The following LSAMP variants were observed in gnomAD, a reference collection of about 807,000 sequenced individuals.
LSAMP encodes the protein limbic system-associated membrane protein.
A neutral mutation model predicts 38.6 loss-of-function variants in LSAMP; 7 were observed. The observed-to-expected ratio is 0.18, with a 90% CI of 0.10 to 0.34. LSAMP has a LOEUF of 0.34. LSAMP is among the 10% of genes least tolerant of loss of function. LSAMP has a pLI of 1.00. For missense variants in LSAMP, 313 were observed against 420.0 expected, an observed-to-expected ratio of 0.75 and a Z score of 2.23; for synonymous variants, 154 against 166.8, an observed-to-expected ratio of 0.92 and a Z score of 0.59.
intron 2 of LSAMP, among the ~76,000 whole-genome samples, chr3:116,030,605 G>C (rs1576319462): frequency 6.6e-6 from 1 of 152,144 alleles, no homozygotes; most frequent in African/African-American, 2.4e-5. Context: ...TTTAGATACT[G>C]TCCAACCAGA....
chr3:116,002,479 G>A (rs1940026469), intron 3 of LSAMP, among the ~76,000 whole-genome samples: 1 of 152,132 alleles, frequency 6.6e-6, no homozygotes, highest in African/African-American at 2.4e-5. Context: ...AGTTTTGGTT[G>A]TCTTCCCAGC....
At chr3:115,812,027 C>T (rs1348840052) in intron 6 of LSAMP, among the ~76,000 whole-genome samples, 5 of 152,202 alleles carry the variant, frequency 3.3e-5, no homozygotes, top group African/African-American at 4.8e-5. Flanking sequence ...CTCCTGTCAA[C>T]ATTCAGCAAA....
chr3:115,952,214 G>A (rs1938314868), intron 3 of LSAMP, among the ~76,000 whole-genome samples: 1 of 152,140 alleles, frequency 6.6e-6, no homozygotes, highest in Non-Finnish European at 1.5e-5. Flanking sequence ...TCCCACTACT[G>A]GGTATCTACC....
chr3:116,247,341 G>T (rs1220851007), intron 1 of LSAMP, among the ~76,000 whole-genome samples: 1 of 152,058 alleles, frequency 6.6e-6, no homozygotes, highest in Non-Finnish European at 1.5e-5. Flanking sequence ...AGACTGTCCA[G>T]CCCTTTTTCA....
rs9815111 is a variant in LSAMP, at chr3:116,335,702, T to A, written c.155+109175A>T. 8.8e-3 allele frequency among the ~76,000 whole-genome samples: 1,342 copies of A among 152,148 alleles called. 24 individuals carry two copies. Among genetic ancestry groups the A allele is most frequent in the African/African-American group, 0.031 (1,271 of 41,556 alleles). ...TTTGTCACACCTGAACTACCAAACATCAAAGCTTAGCCTAACCTACCTTAA... is the reference window on the plus strand; with the variant it reads ...TTTGTCACACCTGAACTACCAAACAACAAAGCTTAGCCTAACCTACCTTAA... On this transcript the variant is annotated intron_variant, in intron 1 of 6. Coordinates refer to ENST00000490035, the MANE Select transcript of LSAMP (RefSeq NM_002338.5).
intron 2 of LSAMP, among the ~76,000 whole-genome samples, chr3:116,074,625 T>A (rs943875201): frequency 6.6e-6 from 1 of 152,158 alleles, no homozygotes; most frequent in African/African-American, 2.4e-5. Flanking sequence ...TATAAAAGTG[T>A]CAGTTTTCCT....
rs959347281 is a variant in LSAMP at position 115,806,976 on chromosome 3, C to T, written c.*3341G>A. ...AGTTGGGTCTAAGGATTTCCTTTTACGAATGGTGGAGTTTTACTTTGTATA... is the reference window on the plus strand; with the variant it reads ...AGTTGGGTCTAAGGATTTCCTTTTATGAATGGTGGAGTTTTACTTTGTATA... On this transcript the variant is annotated 3_prime_UTR_variant, in exon 7 of 7. Coordinates refer to ENST00000490035, the MANE Select transcript of LSAMP (RefSeq NM_002338.5). 1.3e-5 allele frequency: 2 copies of T among 152,080 alleles called. No homozygotes were observed. Among genetic ancestry groups the T allele is most frequent in the African/African-American group, 2.4e-5 (1 of 41,392 alleles). 9.4% of individuals were successfully genotyped at this position (152,080 alleles called of 1,614,324 possible).
chr3:116,107,933 C>G (rs1265182427), intron 1 of LSAMP, among the ~76,000 whole-genome samples: 5 of 152,258 alleles, frequency 3.3e-5, no homozygotes, highest in South Asian at 4.1e-4. Flanking sequence ...ACTTGTATGG[C>G]TTGTCTGGTT....
intron 1 of LSAMP, among the ~76,000 whole-genome samples, chr3:116,350,343 T>G (rs2048121552): frequency 6.6e-6 from 1 of 152,108 alleles, no homozygotes; most frequent in African/African-American, 2.4e-5. Context: ...ATGTACCCCA[T>G]ATGACTGTCC....
chr3:116,028,753 G>A (rs750646355), intron 2 of LSAMP, among the ~76,000 whole-genome samples: 4 of 152,060 alleles, frequency 2.6e-5, no homozygotes, highest in Non-Finnish European at 5.9e-5. Flanking sequence ...CATTTCTGTG[G>A]CTAATGGCAT....
intron 1 of LSAMP, among the ~76,000 whole-genome samples, chr3:116,237,655 C>T (rs1013587270): frequency 2.0e-5 from 2 of 100,578 alleles, no homozygotes; most frequent in Non-Finnish European, 4.2e-5. Flanking sequence ...CGCCATAAAC[C>T]TTAGAGATGT....
At chr3:115,861,260 G>T (rs566988390) in intron 3 of LSAMP, among the ~76,000 whole-genome samples, 1 of 147,706 alleles carries the variant, frequency 6.8e-6, no homozygotes, top group African/African-American at 2.5e-5. Flanking sequence ...GCATAAAATC[G>T]TATGAAAATT....
chr3:116,069,685 C>G (rs1455573860), intron 2 of LSAMP, among the ~76,000 whole-genome samples: 1 of 152,176 alleles, frequency 6.6e-6, no homozygotes, highest in African/African-American at 2.4e-5. Context: ...TTAGAAATAA[C>G]TCTGCTTTCA....
At chr3:115,940,343 T>G (rs1443646712) in intron 3 of LSAMP, among the ~76,000 whole-genome samples, 1 of 152,252 alleles carries the variant, frequency 6.6e-6, no homozygotes, top group Non-Finnish European at 1.5e-5. Context: ...TACAGAGTGC[T>G]GATTGGTGCA....
Position 116,198,261 on chromosome 3 carries a change from T to C in LSAMP, c.156-111705A>G, listed in dbSNP as rs567600938. Among the ~76,000 whole-genome samples the C allele has an allele frequency of 3.3e-5, 5 of 152,270 alleles. No homozygotes were observed. In the South Asian group the frequency reaches 1.0e-3, roughly 32 times the overall value. On this transcript the variant is annotated intron_variant, in intron 1 of 6. Transcript: ENST00000490035. The stretch of plus-strand genomic sequence containing the variant: ...AAAAAGGGGAAAATAGACTTGATGT[T>C]CCTTTGGGAGATAAGAATCTCCAGT...
intron 2 of LSAMP, among the ~76,000 whole-genome samples, chr3:116,037,329 C>A (rs1030278042): frequency 6.6e-6 from 1 of 152,026 alleles, no homozygotes; most frequent in Non-Finnish European, 1.5e-5. Flanking sequence ...GTGAGAGGGA[C>A]AAACTGAAAA....
intron 3 of LSAMP, among the ~76,000 whole-genome samples, chr3:115,999,088 T>C (rs906728615): frequency 1.3e-5 from 2 of 152,144 alleles, no homozygotes; most frequent in African/African-American, 4.8e-5. Context: ...GTGTTAATAC[T>C]GAAAATACAA....
At chr3:116,199,108 T>A (rs916019314) in intron 1 of LSAMP, among the ~76,000 whole-genome samples, 1 of 150,532 alleles carries the variant, frequency 6.6e-6, no homozygotes, top group African/African-American at 2.4e-5. Flanking sequence ...ATAAAATAAA[T>A]AAAAATAGAA....
At chr3:115,905,943 G>A (rs1936998057) in intron 3 of LSAMP, among the ~76,000 whole-genome samples, 1 of 152,116 alleles carries the variant, frequency 6.6e-6, no homozygotes, top group Non-Finnish European at 1.5e-5. Context: ...GATGAGGCTA[G>A]GGGACACTAC....
Sources: allele counts gnomAD v4.1 joint callset (sites outside exome capture counted in the v4.1 genomes callset), GRCh38; gene constraint gnomAD v4.1.1; transcripts MANE v1.5; gene names NCBI Gene and HGNC (gene_info 2026-07-23, HGNC 2026-07-21).